Variants in RTN4RL1 observed in about 807,000 individuals in gnomAD.
RTN4RL1 encodes the protein reticulon-4 receptor-like 1.
In RTN4RL1, 7 loss-of-function variants were observed where a neutral mutation model predicts 25.6. That is an observed-to-expected ratio of 0.27 (90% CI 0.16 to 0.51). The LOEUF (loss-of-function observed/expected upper bound fraction) is 0.51, where lower values mean the gene tolerates loss of function less well. RTN4RL1 is among the 20% of genes least tolerant of loss of function. The pLI, the probability that RTN4RL1 is intolerant of heterozygous loss-of-function variation, is 0.97. For missense variants in RTN4RL1, 500 were observed against 615.6 expected, an observed-to-expected ratio of 0.81 and a Z score of 1.99; for synonymous variants, 297 against 288.2, an observed-to-expected ratio of 1.03 and a Z score of -0.31.
chr17:1,971,120 G>C (rs1251122282), intron 1 of RTN4RL1, among the ~76,000 whole-genome samples: 1 of 152,134 alleles, frequency 6.6e-6, no homozygotes, highest in African/African-American at 2.4e-5. Context: ...ATCCCTTATT[G>C]TAATCTCCAT....
At chr17:1,970,744 C>A (rs1241587362) in intron 1 of RTN4RL1, among the ~76,000 whole-genome samples, 5 of 152,216 alleles carry the variant, frequency 3.3e-5, no homozygotes, top group African/African-American at 2.4e-5. Context: ...GGGCTCCACA[C>A]TGGCTCCCCT....
intron 1 of RTN4RL1, among the ~76,000 whole-genome samples, chr17:2,005,126 C>G (rs909218643): frequency 6.6e-6 from 1 of 152,090 alleles, no homozygotes; most frequent in Non-Finnish European, 1.5e-5. Flanking sequence ...CTACCTCAGC[C>G]TCTCCAGTGG....
At chr17:2,013,643 T>C (rs1028076433) in intron 1 of RTN4RL1, among the ~76,000 whole-genome samples, 1 of 127,566 alleles carries the variant, frequency 7.8e-6, no homozygotes, top group Non-Finnish European at 1.6e-5. Context: ...GGAACATAAA[T>C]ACCCCAGCTC....
At chr17:2,000,560 T>C (rs2066952335) in intron 1 of RTN4RL1, among the ~76,000 whole-genome samples, 1 of 152,078 alleles carries the variant, frequency 6.6e-6, no homozygotes. Flanking sequence ...ATTTTCGCTT[T>C]TCTTGCCCAG....
intron 1 of RTN4RL1, among the ~76,000 whole-genome samples, chr17:1,999,142 T>TACACACACACACACACACACAC (rs147931732): frequency 1.4e-5 from 2 of 147,956 alleles, no homozygotes; most frequent in African/African-American, 5.0e-5. Flanking sequence ...GTGCTCATCA[T>TACACACACACACACACACACAC]ACACACACAC....
intron 1 of RTN4RL1, among the ~76,000 whole-genome samples, chr17:1,968,552 G>A (rs939025257): frequency 1.3e-5 from 2 of 152,186 alleles, no homozygotes; most frequent in Admixed American, 6.5e-5. Flanking sequence ...TCTGCCCTGG[G>A]CTCGAAGCCA....
Position 1,942,326 on chromosome 17 carries a change from G to C in RTN4RL1, c.14-4518C>G, listed in dbSNP as rs372210146. Among the ~76,000 whole-genome samples the C allele has an allele frequency of 1.8e-4, 27 of 152,242 alleles. No individual in the cohort carries two copies. In the South Asian group the frequency reaches 5.4e-3, roughly 30 times the overall value. ...ACACTTGCTGCCTGAGCCCCGGGGT[G>C]TGGGGGGTGCCAGTGGGGAGGGCCC... is the stretch of plus-strand genomic sequence containing the variant. On this transcript the variant is annotated intron_variant, in intron 1 of 1. Transcript: ENST00000331238.
At chr17:1,947,294 G>A (rs1276612725) in intron 1 of RTN4RL1, among the ~76,000 whole-genome samples, 3 of 152,210 alleles carry the variant, frequency 2.0e-5, no homozygotes, top group South Asian at 2.1e-4. Context: ...GTGCAAAGCC[G>A]ATGCATGTGT....
intron 1 of RTN4RL1, among the ~76,000 whole-genome samples, chr17:2,016,215 T>C (rs1025253510): frequency 1.3e-5 from 2 of 152,094 alleles, no homozygotes; most frequent in African/African-American, 4.8e-5. Flanking sequence ...ACCCCGTTTC[T>C]ACTAAAAATA....
intron 1 of RTN4RL1, among the ~76,000 whole-genome samples, chr17:2,008,104 T>C (rs1197085958): frequency 1.3e-5 from 2 of 151,656 alleles, no homozygotes; most frequent in Non-Finnish European, 2.9e-5. Context: ...ACCCCGTCTC[T>C]ACTAAAAATA....
intron 1 of RTN4RL1, among the ~76,000 whole-genome samples, chr17:1,965,272 A>T (rs1338963346): frequency 6.7e-6 from 1 of 148,486 alleles, no homozygotes; most frequent in Non-Finnish European, 1.5e-5. Context: ...CCCCATGCCC[A>T]GCTCGTTTTT....
chr17:1,993,539 T>G (rs1393858850), intron 1 of RTN4RL1, among the ~76,000 whole-genome samples: 3 of 152,204 alleles, frequency 2.0e-5, no homozygotes, highest in African/African-American at 7.2e-5. Flanking sequence ...TGTTTTGTTT[T>G]GTTTTTACAG....
At chr17:1,996,518 T>C (rs2066930114) in intron 1 of RTN4RL1, among the ~76,000 whole-genome samples, 1 of 151,996 alleles carries the variant, frequency 6.6e-6, no homozygotes, top group Admixed American at 6.6e-5. Context: ...GACCCCCCTC[T>C]TCCGGATGTG....
intron 1 of RTN4RL1, among the ~76,000 whole-genome samples, chr17:1,961,306 G>A (rs904553283): frequency 6.6e-6 from 1 of 152,220 alleles, no homozygotes; most frequent in Middle Eastern, 3.2e-3. Context: ...GCTGGCCTTC[G>A]GGGTGGAAGG....
chr17:1,976,778 A>G (rs1273908306), intron 1 of RTN4RL1, among the ~76,000 whole-genome samples: 1 of 152,230 alleles, frequency 6.6e-6, no homozygotes, highest in Non-Finnish European at 1.5e-5. Context: ...AGCACAGGCC[A>G]TGGTTAAAAC....
chr17:1,967,754 C>T (rs1411764359), intron 1 of RTN4RL1, among the ~76,000 whole-genome samples: 2 of 152,282 alleles, frequency 1.3e-5, no homozygotes, highest in East Asian at 3.9e-4. Context: ...ATTCTCCTGC[C>T]TCAGCTTCCC....
intron 1 of RTN4RL1, among the ~76,000 whole-genome samples, chr17:1,956,854 T>G (rs1180768258): frequency 1.3e-5 from 2 of 151,760 alleles, no homozygotes; most frequent in Admixed American, 1.3e-4. Context: ...TGATTCTCCT[T>G]CGTCAGCACT....
At chr17:2,005,739 T>TCTC (rs2066988882) in intron 1 of RTN4RL1, among the ~76,000 whole-genome samples, 29 of 145,218 alleles carry the variant, frequency 2.0e-4, no homozygotes, top group East Asian at 6.1e-4. Flanking sequence ...CTCTCTCTCT[T>TCTC]TCTCTCTCTC....
intron 1 of RTN4RL1, among the ~76,000 whole-genome samples, chr17:1,961,773 CA>C (rs1163170575): frequency 0.22 from 11,874 of 54,838 alleles, 727 homozygotes; most frequent in Middle Eastern, 0.33. Flanking sequence ...ACTAAAAATA[CA>C]AAAAAAAAAA....
Sources: gnomAD v4.1 joint callset for allele counts (sites outside exome capture counted in the v4.1 genomes callset) on GRCh38, gnomAD v4.1.1 for gene constraint, MANE v1.5 for transcripts, NCBI Gene and HGNC (gene_info 2026-07-23, HGNC 2026-07-21) for gene names.